Variants in FOXK2 observed in about 807,000 individuals in gnomAD.
FOXK2 encodes the protein forkhead box protein K2.
FOXK2 carries 24 observed loss-of-function variants against 53.3 expected under a neutral mutation model. The ratio of observed to expected loss-of-function variants is 0.45; its 90% CI spans 0.33 to 0.63. The LOEUF is 0.63. Among genes scored for constraint, FOXK2 ranks in the 30% least tolerant of loss-of-function variants. The pLI, the probability that FOXK2 is intolerant of heterozygous loss-of-function variation, is 0.03. For synonymous variants in FOXK2, 505 were observed against 407.1 expected, an observed-to-expected ratio of 1.24 and a Z score of -2.89; for missense variants, 952 against 910.5, an observed-to-expected ratio of 1.05 and a Z score of -0.59.
At chr17:82,534,884 AAC>A (rs1193934744) in intron 1 of FOXK2, among the ~76,000 whole-genome samples, 5 of 152,282 alleles carry the variant, frequency 3.3e-5, no homozygotes, top group Non-Finnish European at 5.9e-5. Flanking sequence ...AGTGCTGAAA[AAC>A]ACACATTTTT....
At chr17:82,570,647 A>G (rs761259483) in intron 3 of FOXK2, among the ~76,000 whole-genome samples, 3 of 152,238 alleles carry the variant, frequency 2.0e-5, no homozygotes, top group African/African-American at 4.8e-5. Flanking sequence ...ATCCTTGAAC[A>G]GTATCTATAA....
chr17:82,593,266 A>T (rs2045273291), intron 8 of FOXK2: 1 of 146,576 alleles, frequency 6.8e-6, no homozygotes. Flanking sequence ...AGAGGCTCTT[A>T]TTCTGAAAGC....
intron 8 of FOXK2, among the ~76,000 whole-genome samples, chr17:82,591,039 G>A (rs1404838539): frequency 6.6e-6 from 1 of 152,232 alleles, no homozygotes; most frequent in Non-Finnish European, 1.5e-5. Flanking sequence ...CTTGGCCCCT[G>A]CGTGTGTCGT....
rs762170087 is a variant in FOXK2 at position 82,584,201 on chromosome 17, G to T, written c.1279+13G>T. The stretch of plus-strand genomic sequence containing the variant: ...CAGAGCGCCCCAGGTGAGACAGCGG[G>T]AGAGGAAGCGAGGGCCCCAACAGCG... On this transcript the variant is annotated intron_variant, in intron 6 of 8. Transcript: ENST00000335255. The T allele has an allele frequency of 8.5e-5, 134 of 1,575,084 alleles. No individual in the cohort carries two copies. Among genetic ancestry groups the T allele is most frequent in the Non-Finnish European group, 1.1e-4 (132 of 1,160,444 alleles).
In FOXK2 at chr17:82,563,425, A is replaced by G. The variant is rs2144114749; in HGVS notation, c.491A>G (p.Lys164Arg). 6.2e-7 allele frequency: 1 copy of G among 1,614,196 alleles called. No homozygotes were observed. The highest frequency in any genetic ancestry group is 1.6e-4 in the Middle Eastern group (1 of 6,062). The change falls in exon 2 of 9, where the codon AAG becomes AGG. Residue 164 changes from lysine (K) to arginine (R), a missense_variant. Lys to Arg is a conservative substitution (Grantham distance 26, BLOSUM62 2). Coordinates refer to ENST00000335255, the MANE Select transcript of FOXK2 (RefSeq NM_004514.4). ...GCCCTGTCCAGCGAGAAGAGAGAGAAGCAGGAGGCGTCTGAGTCTCCAGTG... is the reference window on the plus strand; with the variant it reads ...GCCCTGTCCAGCGAGAAGAGAGAGAGGCAGGAGGCGTCTGAGTCTCCAGTG... The part of the protein sequence containing the change: ...FTALSSEKRE[K>R]QEASESPVKA...
At chr17:82,591,496 G>C (rs887197686) in intron 8 of FOXK2, among the ~76,000 whole-genome samples, 76 of 152,290 alleles carry the variant, frequency 5.0e-4, no homozygotes, top group African/African-American at 1.4e-3. Context: ...AAGCCGGGAG[G>C]CTTCCTCTTA....
intron 6 of FOXK2, 75 bp from the exon 7 acceptor site, chr17:82,585,829 C>T: frequency 1.4e-6 from 2 of 1,444,436 alleles, no homozygotes; most frequent in South Asian, 1.3e-5. Flanking sequence ...TGTTGCTTGT[C>T]AGTGCTGAGT....
At chr17:82,533,774 A>G (rs1182758877) in intron 1 of FOXK2, among the ~76,000 whole-genome samples, 2 of 152,054 alleles carry the variant, frequency 1.3e-5, no homozygotes, top group African/African-American at 4.8e-5. Context: ...TTAGCCGGGC[A>G]TGGTGGTGCC....
intron 7 of FOXK2, among the ~76,000 whole-genome samples, chr17:82,586,817 C>G (rs2045180411): frequency 6.6e-6 from 1 of 152,102 alleles, no homozygotes; most frequent in Non-Finnish European, 1.5e-5. Context: ...GGGAGAATCA[C>G]TTGAACCCGG....
At chr17:82,573,749 A>G (rs1428838864) in intron 4 of FOXK2, among the ~76,000 whole-genome samples, 1 of 152,240 alleles carries the variant, frequency 6.6e-6, no homozygotes, top group Non-Finnish European at 1.5e-5. Flanking sequence ...TTGAGATACC[A>G]GTTACCTGGG....
At position 82,542,500 on chromosome 17, in the gene FOXK2, G is replaced by A. The variant is rs371251918; in HGVS notation, c.420-20854G>A. ...TATTTTATTTTATTTTATACAGACAGGGTGTCACTGTCCTGCTCAGGTTGG... is the reference window on the plus strand; with the variant it reads ...TATTTTATTTTATTTTATACAGACAAGGTGTCACTGTCCTGCTCAGGTTGG... On this transcript the variant is annotated intron_variant, in intron 1 of 8. Transcript: ENST00000335255. Among the ~76,000 whole-genome samples the A allele has an allele frequency of 5.3e-5, 8 of 152,072 alleles. No homozygotes were observed. The East Asian group carries it at 1.4e-3, about 26-fold the overall frequency.
chr17:82,563,064 C>T (rs1198612512), intron 1 of FOXK2, among the ~76,000 whole-genome samples: 1 of 152,132 alleles, frequency 6.6e-6, no homozygotes, highest in Non-Finnish European at 1.5e-5. Context: ...GCCTCAGCCT[C>T]CCAAAGTGCT....
chr17:82,570,279 G>A (rs62078136), intron 3 of FOXK2, among the ~76,000 whole-genome samples: 4,571 of 152,240 alleles, frequency 0.03, 94 homozygotes, highest in Non-Finnish European at 0.044. Context: ...TATCACTTGA[G>A]CTCAGGAGTT....
rs35014218 is a variant in FOXK2 at position 82,595,964 on chromosome 17, C to T, written c.1787-5339C>T. 862 of 1,213,050 alleles carry T rather than the reference C, an allele frequency of 7.1e-4. 4 individuals are homozygous for T. In the African/African-American group the frequency reaches 8.7e-3, roughly 12 times the overall value. 75.1% of individuals were successfully genotyped at this position (1,213,050 alleles called of 1,614,324 possible). A position where few individuals can be genotyped will look rare whatever the true frequency, so the allele number is the denominator to read the frequency against. On this transcript the variant is annotated intron_variant, in intron 8 of 8. Transcript: ENST00000335255. Reference sequence around the variant, plus strand: ...GAAGGTTGTCCAGAGACACCTACAGCGTGGATGCTGTTCCGAGTCAGCGTA... The same window carrying T: ...GAAGGTTGTCCAGAGACACCTACAGTGTGGATGCTGTTCCGAGTCAGCGTA...
intron 4 of FOXK2, chr17:82,577,363 CACAAA>C: frequency 1.6e-6 from 1 of 628,084 alleles, no homozygotes; most frequent in Non-Finnish European, 2.9e-6. Context: ...AGAAAGACAG[CACAAA>C]GCTCTCTTCT....
At chr17:82,587,696 C>T (rs1429112579) in intron 8 of FOXK2, 4 of 271,992 alleles carry the variant, frequency 1.5e-5, no homozygotes, top group Non-Finnish European at 2.2e-5. Context: ...CGTCCGAGGC[C>T]GGTGCACAGA....
chr17:82,560,245 T>C (rs949945677), intron 1 of FOXK2, among the ~76,000 whole-genome samples: 2 of 152,020 alleles, frequency 1.3e-5, no homozygotes. Flanking sequence ...CCTGACCTCA[T>C]GATCTGCCTG....
chr17:82,588,387 A>G, intron 8 of FOXK2: 1 of 160,208 alleles, frequency 6.2e-6, no homozygotes, highest in Non-Finnish European at 1.4e-5. Flanking sequence ...GGAAGCCGGG[A>G]GGGCTGGCGA....
In FOXK2 at chr17:82,603,734, T is replaced by G. The variant is rs2045415094; in HGVS notation, c.*2235T>G. 6.7e-6 allele frequency: 1 copy of G among 149,502 alleles called. No homozygotes were observed. Among genetic ancestry groups the G allele is most frequent in the South Asian group, 2.1e-4 (1 of 4,652 alleles). The allele number at this position is 149,502 out of a possible 1,614,324, so 9.3% of individuals were successfully genotyped here. A position where few individuals can be genotyped will look rare whatever the true frequency, so the allele number is the denominator to read the frequency against. On this transcript the variant is annotated 3_prime_UTR_variant, in exon 9 of 9. Coordinates refer to ENST00000335255, the MANE Select transcript of FOXK2 (RefSeq NM_004514.4). ...GGAGGAGGGTGTTTTTTTTTTTTTT[T>G]TTTGCCGTAGGCACCATTCTGCATC...
Sources: gnomAD v4.1 joint callset for allele counts (sites outside exome capture counted in the v4.1 genomes callset) on GRCh38, gnomAD v4.1.1 for gene constraint, MANE v1.5 for transcripts, NCBI Gene and HGNC (gene_info 2026-07-23, HGNC 2026-07-21) for gene names.